FAM151B: variants seen among roughly 807,000 people sequenced by gnomAD.
FAM151B encodes protein FAM151B.
In FAM151B, 24 loss-of-function variants were observed where a neutral mutation model predicts 31.2. The ratio of observed to expected loss-of-function variants is 0.77; its 90% CI spans 0.56 to 1.08. FAM151B has a LOEUF of 1.08. Ranked by LOEUF, FAM151B falls within the 50% of genes least tolerant of loss-of-function variation. FAM151B has a pLI of 0.00. For missense variants in FAM151B, 293 were observed against 328.6 expected (o/e 0.89, Z 0.84); for synonymous variants, 105 against 111.4 (o/e 0.94, Z 0.36).
At chr5:80,513,812 A>G in intron 3 of FAM151B, 43 bp downstream of exon 3, 1 of 1,550,356 alleles carries the variant, frequency 6.5e-7, no homozygotes, top group Non-Finnish European at 8.7e-7. Context: ...AAAAAGTAAT[A>G]GCTGTGCCTG....
At chr5:80,488,640 G>T (rs905223603) in intron 1 of FAM151B, among the ~76,000 whole-genome samples, 25 of 152,232 alleles carry the variant, frequency 1.6e-4, no homozygotes, top group Non-Finnish European at 1.0e-4. Context: ...CAACTCGCGG[G>T]ACAGCAGTTC....
rs550182728 is a variant in FAM151B, at chr5:80,498,970, G to A, written c.26-2822G>A. On this transcript the variant is annotated intron_variant, in intron 1 of 5. Coordinates refer to ENST00000282226, the MANE Select transcript of FAM151B (RefSeq NM_205548.3). ...TGGTCTTCCCCGGAAGGGTTTTTAC[G>A]AAATCTGCATTTTGGTGGCAGCTCC... The A allele has an allele frequency of 2.5e-4, 52 of 206,274 alleles. 1 individual carries two copies. The South Asian group carries it at 4.3e-3, about 17-fold the overall frequency. 12.8% of individuals were successfully genotyped at this position (206,274 alleles called of 1,614,324 possible).
rs11340979 is a variant in FAM151B, at chr5:80,504,514, C to CTTT, written c.151+2620_151+2622dup. On this transcript the variant is annotated intron_variant, in intron 2 of 5. Coordinates refer to ENST00000282226, the MANE Select transcript of FAM151B (RefSeq NM_205548.3). ...GAATTAGCAGACTGCGACTATTACT[C>CTTT]TTTTTTTTTTTTTTTTTTTTTTTTT... Among the ~76,000 whole-genome samples, 115 of 58,734 alleles carry CTTT rather than the reference C, an allele frequency of 2.0e-3. 1 individual carries two copies. The highest frequency in any genetic ancestry group is 4.9e-3 in the African/African-American group (73 of 14,784). The allele number at this position is 58,734 out of a possible 152,430, so 38.5% of individuals were successfully genotyped here.
intron 3 of FAM151B, among the ~76,000 whole-genome samples, chr5:80,516,648 C>T (rs944397866): frequency 2.6e-5 from 4 of 152,156 alleles, no homozygotes; most frequent in Admixed American, 6.5e-5. Context: ...CTTTCCTCTT[C>T]GGATGATCAT....
chr5:80,497,534 T>G (rs1743589926), intron 1 of FAM151B, among the ~76,000 whole-genome samples: 1 of 152,110 alleles, frequency 6.6e-6, no homozygotes, highest in African/African-American at 2.4e-5. Flanking sequence ...GTTTAAATAA[T>G]AATACTAAGA....
At chr5:80,488,298 G>A in intron 1 of FAM151B, 150 bp downstream of exon 1, 4 of 1,042,250 alleles carry the variant, frequency 3.8e-6, no homozygotes, top group East Asian at 3.0e-5. Flanking sequence ...CTTGGAGCCC[G>A]CTCTGCACTC....
intron 5 of FAM151B, among the ~76,000 whole-genome samples, chr5:80,527,819 T>C (rs1467940793): frequency 6.6e-6 from 1 of 152,194 alleles, no homozygotes; most frequent in Non-Finnish European, 1.5e-5. Context: ...TTAGACCATA[T>C]TAAATTTATT....
chr5:80,512,980 A>T (rs1037332268), intron 2 of FAM151B, among the ~76,000 whole-genome samples: 1 of 152,108 alleles, frequency 6.6e-6, no homozygotes, highest in Non-Finnish European at 1.5e-5. Context: ...CCAACCCATC[A>T]CAAGACCTGC....
At chr5:80,538,019 T>C (rs1011772598) in intron 5 of FAM151B, among the ~76,000 whole-genome samples, 4 of 152,014 alleles carry the variant, frequency 2.6e-5, no homozygotes, top group Admixed American at 6.6e-5. Flanking sequence ...TAAGAGTAAA[T>C]GTAAATATAG....
At chr5:80,515,911 CT>C (rs1384433667) in intron 3 of FAM151B, among the ~76,000 whole-genome samples, 1 of 152,214 alleles carries the variant, frequency 6.6e-6, no homozygotes, top group Non-Finnish European at 1.5e-5. Flanking sequence ...AGAGTTCACA[CT>C]TTTAACCAGA....
intron 3 of FAM151B, among the ~76,000 whole-genome samples, chr5:80,514,495 A>G (rs1251808373): frequency 6.8e-6 from 1 of 147,984 alleles, no homozygotes; most frequent in Non-Finnish European, 1.5e-5. Context: ...TAATAATAAT[A>G]ATAATAATAA....
chr5:80,537,121 C>A (rs1431664417), intron 5 of FAM151B, among the ~76,000 whole-genome samples: 2 of 152,152 alleles, frequency 1.3e-5, no homozygotes, highest in Non-Finnish European at 2.9e-5. Context: ...ATAGTACATG[C>A]CTACATCAAA....
At chr5:80,515,963 TGTTA>T (rs1744430205) in intron 3 of FAM151B, among the ~76,000 whole-genome samples, 1 of 152,230 alleles carries the variant, frequency 6.6e-6, no homozygotes, top group African/African-American at 2.4e-5. Context: ...CTGAATGACC[TGTTA>T]GTTAAGTTTT....
Position 80,541,851 on chromosome 5 carries a change from T to C in FAM151B, c.*19T>C. The C allele has an allele frequency of 6.2e-7, 1 of 1,602,928 alleles. No individual in the cohort carries two copies. Among genetic ancestry groups the C allele is most frequent in the Non-Finnish European group, 8.5e-7 (1 of 1,175,036 alleles). On this transcript the variant is annotated 3_prime_UTR_variant, in exon 6 of 6. Transcript: ENST00000282226. ...TCTCTAAGAAGAAGATTCTCAATTA[T>C]TTCCTGTGTTTTGGTTTCATAATCC... is the stretch of plus-strand genomic sequence containing the variant.
chr5:80,527,015 A>G (rs915216310), intron 5 of FAM151B, among the ~76,000 whole-genome samples: 3 of 152,236 alleles, frequency 2.0e-5, no homozygotes, highest in African/African-American at 7.2e-5. Flanking sequence ...TATTGCTAGT[A>G]GTGCCCAAAC....
At chr5:80,522,826 G>C (rs1369166265) in intron 5 of FAM151B, among the ~76,000 whole-genome samples, 1 of 152,064 alleles carries the variant, frequency 6.6e-6, no homozygotes, top group African/African-American at 2.4e-5. Context: ...ATAAAAATTA[G>C]TTGGACCACC....
intron 2 of FAM151B, among the ~76,000 whole-genome samples, chr5:80,503,439 T>G (rs1255642033): frequency 6.6e-6 from 1 of 152,014 alleles, no homozygotes; most frequent in Non-Finnish European, 1.5e-5. Flanking sequence ...CATGGTGGCA[T>G]GTACCTGTAG....
intron 5 of FAM151B, among the ~76,000 whole-genome samples, chr5:80,532,951 T>G (rs1305823211): frequency 6.6e-6 from 1 of 152,074 alleles, no homozygotes; most frequent in African/African-American, 2.4e-5. Flanking sequence ...TTGAAACAAA[T>G]GATAATGGAA....
At chr5:80,534,496 G>A (rs2112670839) in intron 5 of FAM151B, among the ~76,000 whole-genome samples, 1 of 152,250 alleles carries the variant, frequency 6.6e-6, no homozygotes, top group African/African-American at 2.4e-5. Flanking sequence ...ACAGCGTGAA[G>A]GACAAAAACC....
Sources: allele counts gnomAD v4.1 joint callset (sites outside exome capture counted in the v4.1 genomes callset), GRCh38; gene constraint gnomAD v4.1.1; transcripts MANE v1.5; gene names NCBI Gene and HGNC (gene_info 2026-07-23, HGNC 2026-07-21).